ADAMTS18: variants seen among roughly 807,000 people sequenced by gnomAD.
The protein encoded by ADAMTS18 is ADAM metallopeptidase with thrombospondin type 1 motif 18.
Under a neutral mutation model 165.9 loss-of-function variants are expected in ADAMTS18, and 157 were observed. That is an observed-to-expected ratio of 0.95 (90% confidence interval 0.83 to 1.08). ADAMTS18 has a LOEUF of 1.08. Among genes scored for constraint, ADAMTS18 ranks in the 50% least tolerant of loss-of-function variants. ADAMTS18 has a pLI of 0.00. For synonymous variants in ADAMTS18, 782 were observed against 578.2 expected (o/e 1.35, Z -5.06); for missense variants, 2,040 against 1,534.0 (o/e 1.33, Z -5.51).
intron 11 of ADAMTS18, among the ~76,000 whole-genome samples, chr16:77,336,943 G>C (rs928365405): frequency 6.6e-6 from 1 of 152,140 alleles, no homozygotes; most frequent in Non-Finnish European, 1.5e-5. Flanking sequence ...TGAGGAATTG[G>C]GGGATCGGTT....
In ADAMTS18 at chr16:77,296,373, G is replaced by A. The variant is rs557341774; in HGVS notation, c.2801+916C>T. On this transcript the variant is annotated intron_variant, in intron 18 of 22. Coordinates refer to ENST00000282849, the MANE Select transcript of ADAMTS18 (RefSeq NM_199355.4). ...TCTTTTTATTTTGTGTCTTGCTACTGTGTAATTTTGCATTTGGGGTTTCAT... is the reference window on the plus strand; with the variant it reads ...TCTTTTTATTTTGTGTCTTGCTACTATGTAATTTTGCATTTGGGGTTTCAT... Among the ~76,000 whole-genome samples, 74 of 152,230 alleles carry A rather than the reference G, an allele frequency of 4.9e-4. No homozygotes were observed. The Middle Eastern group carries it at 0.01, about 21-fold the overall frequency.
At chr16:77,375,856 G>A (rs1232031094) in intron 3 of ADAMTS18, among the ~76,000 whole-genome samples, 1 of 151,364 alleles carries the variant, frequency 6.6e-6, no homozygotes. Context: ...CATGGCAGAA[G>A]GCAAAGGGTT....
chr16:77,302,000 T>G (rs1446931585), intron 16 of ADAMTS18, among the ~76,000 whole-genome samples: 1 of 106,490 alleles, frequency 9.4e-6, no homozygotes, highest in African/African-American at 3.1e-5. Context: ...CTTTCTAGTC[T>G]TTGCTTTTTT....
chr16:77,412,282 C>T (rs1458452859), intron 3 of ADAMTS18, among the ~76,000 whole-genome samples: 2 of 152,136 alleles, frequency 1.3e-5, no homozygotes, highest in Non-Finnish European at 2.9e-5. Flanking sequence ...AGTCTTGGGA[C>T]TTCTCAGTCT....
intron 7 of ADAMTS18, 38 bp downstream of exon 7, chr16:77,362,067 G>C (rs767053082): frequency 4.3e-5 from 69 of 1,611,664 alleles, no homozygotes; most frequent in Non-Finnish European, 5.7e-5. Flanking sequence ...TGTGTTTTCA[G>C]CTAACAGGTG....
chr16:77,310,498 A>G (rs2055760617), intron 16 of ADAMTS18, among the ~76,000 whole-genome samples: 1 of 152,146 alleles, frequency 6.6e-6, no homozygotes, highest in African/African-American at 2.4e-5. Flanking sequence ...TATCCCAGCT[A>G]TTTATGCAGA....
chr16:77,396,951 C>A (rs1487991654), intron 3 of ADAMTS18, among the ~76,000 whole-genome samples: 1 of 152,000 alleles, frequency 6.6e-6, no homozygotes, highest in Non-Finnish European at 1.5e-5. Flanking sequence ...GGATTACAGG[C>A]GCCCGCCACC....
intron 22 of ADAMTS18, 43 bp from the exon 23 acceptor site, chr16:77,284,114 A>G (rs771278099): frequency 3.7e-6 from 5 of 1,337,282 alleles, no homozygotes; most frequent in African/African-American, 1.5e-5. Flanking sequence ...TAGGGTGTCT[A>G]TCCTTTTTCT....
intron 10 of ADAMTS18, among the ~76,000 whole-genome samples, chr16:77,346,712 T>C (rs1317910898): frequency 1.3e-5 from 2 of 152,198 alleles, no homozygotes; most frequent in African/African-American, 4.8e-5. Context: ...CCTGAGTTTA[T>C]TGCCCAAGTT....
intron 18 of ADAMTS18, among the ~76,000 whole-genome samples, chr16:77,296,743 C>A (rs1447244982): frequency 6.6e-6 from 1 of 152,082 alleles, no homozygotes; most frequent in Non-Finnish European, 1.5e-5. Flanking sequence ...TTGCTTGAAT[C>A]CAGTAGGCAG....
intron 3 of ADAMTS18, among the ~76,000 whole-genome samples, chr16:77,379,455 G>C (rs1405835545): frequency 6.6e-6 from 1 of 152,046 alleles, no homozygotes; most frequent in Non-Finnish European, 1.5e-5. Flanking sequence ...ATGGACTAGA[G>C]GTGTCACCTT....
At chr16:77,386,115 T>C (rs75566312) in intron 3 of ADAMTS18, among the ~76,000 whole-genome samples, 1 of 152,182 alleles carries the variant, frequency 6.6e-6, no homozygotes, top group Non-Finnish European at 1.5e-5. Context: ...GGGATGTATG[T>C]AACTTGCCGT....
At chr16:77,427,609 G>C (rs1000252161) in intron 3 of ADAMTS18, among the ~76,000 whole-genome samples, 6 of 152,166 alleles carry the variant, frequency 3.9e-5, no homozygotes, top group African/African-American at 1.4e-4. Flanking sequence ...ATAAAAAACA[G>C]GGGTGAGCTT....
chr16:77,283,607 T>C lies in ADAMTS18; in HGVS notation c.*349A>G, dbSNP rs751897669. 20 of 266,506 alleles carry C rather than the reference T, an allele frequency of 7.5e-5. No individual in the cohort carries two copies. The highest frequency in any genetic ancestry group is 1.5e-4 in the Non-Finnish European group (20 of 136,018). The allele number at this position is 266,506 out of a possible 1,614,324, so 16.5% of individuals were successfully genotyped here. On this transcript the variant is annotated 3_prime_UTR_variant, in exon 23 of 23. Transcript: ENST00000282849. ...TCATAAAGGACCTTTTTAAAACAGA[T>C]GTCTTTGCCCTTGAACCCTTTGAAG...
In ADAMTS18 at chr16:77,289,309, GC is replaced by G; in HGVS notation, c.3504del (p.Leu1169TyrfsTer21). 6.2e-7 allele frequency: 1 copy of G among 1,614,128 alleles called. No individual in the cohort carries two copies. The highest frequency in any genetic ancestry group is 8.5e-7 in the Non-Finnish European group (1 of 1,180,014). Reference sequence around the variant, plus strand: ...CAGAAGTTTGTATTACAGGCTCGTAGCACCGGAGGTTTCTGATGGAGCAGAC... The same window carrying G: ...CAGAAGTTTGTATTACAGGCTCGTAGACCGGAGGTTTCTGATGGAGCAGAC... Reference protein sequence around the residue: ...SSCLLHQKPPVLRACNTNFCP... With the variant: ...SSCLLHQKPPXLRACNTNFCP... On this transcript the variant is annotated frameshift_variant, in exon 22 of 23. Transcript: ENST00000282849. LOFTEE classifies it high-confidence loss of function.
intron 3 of ADAMTS18, among the ~76,000 whole-genome samples, chr16:77,424,167 C>G (rs887870330): frequency 2.0e-5 from 3 of 151,184 alleles, no homozygotes; most frequent in Non-Finnish European, 4.4e-5. Flanking sequence ...AGTGGTCATA[C>G]CCGAAAAGGC....
Position 77,282,363 on chromosome 16 carries a change from C to A in ADAMTS18, c.*1593G>T, listed in dbSNP as rs16945428. 6.6e-6 allele frequency: 1 copy of A among 151,558 alleles called. No individual in the cohort carries two copies. The highest frequency in any genetic ancestry group is 1.5e-5 in the Non-Finnish European group (1 of 67,908). The allele number at this position is 151,558 out of a possible 1,614,324, so 9.4% of individuals were successfully genotyped here. On this transcript the variant is annotated 3_prime_UTR_variant, in exon 23 of 23. Transcript: ENST00000282849. ...TAACTTGCTGTTTTTCAGAAGGCAA[C>A]GGGGTTGTAGTAGAGAAAATTTTTT...
intron 7 of ADAMTS18, among the ~76,000 whole-genome samples, chr16:77,360,968 C>G (rs1036144579): frequency 8.3e-4 from 126 of 152,148 alleles, no homozygotes; most frequent in African/African-American, 2.9e-3. Context: ...TGCCTGTAAA[C>G]CCAGCTACTC....
intron 3 of ADAMTS18, among the ~76,000 whole-genome samples, chr16:77,381,268 C>A (rs2057025912): frequency 7.2e-6 from 1 of 139,100 alleles, no homozygotes; most frequent in African/African-American, 2.7e-5. Flanking sequence ...AACACACATT[C>A]TGTTCAGATT....
Sources: allele counts gnomAD v4.1 joint callset (sites outside exome capture counted in the v4.1 genomes callset), GRCh38; gene constraint gnomAD v4.1.1; transcripts MANE v1.5; gene names NCBI Gene and HGNC (gene_info 2026-07-23, HGNC 2026-07-21).